The following ADAMTS16 variants were observed in gnomAD, a reference collection of about 807,000 sequenced individuals.
ADAMTS16 encodes the protein ADAM metallopeptidase with thrombospondin type 1 motif 16, also known as A disintegrin and metalloproteinase with thrombospondin motifs 16.
In ADAMTS16, 94 loss-of-function variants were observed where a neutral mutation model predicts 145.8. The ratio of observed to expected loss-of-function variants is 0.64; its 90% CI spans 0.55 to 0.77. The LOEUF (loss-of-function observed/expected upper bound fraction) is 0.77. Ranked by LOEUF, ADAMTS16 falls within the 30% of genes least tolerant of loss-of-function variation. The probability of loss-of-function intolerance (pLI) is 0.00; values close to 1 mark genes in which losing one functional copy is unlikely to be tolerated. For missense variants in ADAMTS16, 1,585 were observed against 1,591.5 expected (o/e 1.00, Z 0.07); for synonymous variants, 659 against 604.3 (o/e 1.09, Z -1.33).
At chr5:5,240,197 G>A (rs775612973) in intron 16 of ADAMTS16, among the ~76,000 whole-genome samples, 1 of 152,154 alleles carries the variant, frequency 6.6e-6, no homozygotes, top group Non-Finnish European at 1.5e-5. Context: ...CTGTAAGCTC[G>A]ATGGCTGTGA....
At chr5:5,207,079 C>T (rs138998281) in intron 9 of ADAMTS16, among the ~76,000 whole-genome samples, 1 of 152,214 alleles carries the variant, frequency 6.6e-6, no homozygotes, top group Non-Finnish European at 1.5e-5. Flanking sequence ...TGTTTATATC[C>T]TCAAAATAAC....
chr5:5,301,271 C>T lies in ADAMTS16; in HGVS notation c.2790-1997C>T, dbSNP rs570369891. Among the ~76,000 whole-genome samples the T allele has an allele frequency of 6.7e-4, 102 of 152,226 alleles. 1 individual carries two copies. The highest frequency in any genetic ancestry group is 3.5e-3 in the South Asian group (17 of 4,824). On this transcript the variant is annotated intron_variant, in intron 18 of 22. Transcript: ENST00000274181. ...GGAGATGGGTTTTTGCCATGTTGCC[C>T]AGGCTGGTCTCAAGCTCCTAGGCTT... is the stretch of plus-strand genomic sequence containing the variant.
chr5:5,151,676 CTTTGTGTGTGTGTGTGTGTG>C (rs1303780178), intron 3 of ADAMTS16, among the ~76,000 whole-genome samples: 1 of 120,254 alleles, frequency 8.3e-6, no homozygotes, highest in Non-Finnish European at 1.7e-5. Flanking sequence ...CCATAGTTCC[CTTTGTGTGTGTGTGTGTGTG>C]TGTGTGTGTG....
At chr5:5,250,624 G>A (rs1007006547) in intron 17 of ADAMTS16, among the ~76,000 whole-genome samples, 2 of 152,166 alleles carry the variant, frequency 1.3e-5, no homozygotes, top group South Asian at 2.1e-4. Flanking sequence ...GTGGTGGAGA[G>A]GGTGCTGTTT....
At chr5:5,219,511 G>C (rs1431107517) in intron 10 of ADAMTS16, among the ~76,000 whole-genome samples, 1 of 152,190 alleles carries the variant, frequency 6.6e-6, no homozygotes, top group African/African-American at 2.4e-5. Context: ...AACTCTTTAA[G>C]ACACTATAGT....
chr5:5,306,553 C>G lies in ADAMTS16; in HGVS notation c.3236C>G (p.Ala1079Gly), dbSNP rs762382143. The G allele has an allele frequency of 1.9e-6, 3 of 1,614,200 alleles. No individual in the cohort carries two copies. The East Asian group carries it at 6.7e-5, about 36-fold the overall frequency. Reference protein sequence around the residue: ...RGTQKRFLKCAEKYVSGKYRE... With the variant: ...RGTQKRFLKCGEKYVSGKYRE... ...ACACAGAAAAGATTCTTAAAATGTG[C>G]TGAAAAGTATGTTTCTGGAAAGTAT... Residue 1079 changes from alanine (A) to glycine (G), a missense_variant, in exon 21 of 23, where the codon GCT (alanine) becomes GGT (glycine). By Grantham distance (60) the Ala-to-Gly change is moderately conservative (BLOSUM62 0). Coordinates refer to ENST00000274181, the MANE Select transcript of ADAMTS16 (RefSeq NM_139056.4).
At chr5:5,266,884 AT>A (rs1738257423) in intron 18 of ADAMTS16, among the ~76,000 whole-genome samples, 1 of 152,146 alleles carries the variant, frequency 6.6e-6, no homozygotes, top group Admixed American at 6.5e-5. Context: ...CCATAATACA[AT>A]TATTGAATTT....
At chr5:5,187,829 T>G in intron 6 of ADAMTS16, 21 bp downstream of exon 6, 1 of 1,445,450 alleles carries the variant, frequency 6.9e-7, no homozygotes, top group African/African-American at 1.4e-5. Flanking sequence ...TTTGAAACTA[T>G]CTACTCTTTT....
chr5:5,296,113 T>A (rs1488347932), intron 18 of ADAMTS16, among the ~76,000 whole-genome samples: 2 of 152,192 alleles, frequency 1.3e-5, no homozygotes, highest in Non-Finnish European at 2.9e-5. Context: ...TAAGGAAGCG[T>A]CTGTGGTCCA....
chr5:5,212,028 T>G (rs769656731), intron 10 of ADAMTS16, among the ~76,000 whole-genome samples: 3 of 152,148 alleles, frequency 2.0e-5, no homozygotes, highest in Admixed American at 6.6e-5. Context: ...TTGGGTAGAA[T>G]ATTCAAGAAA....
chr5:5,204,416 C>A (rs1736037277), intron 9 of ADAMTS16, among the ~76,000 whole-genome samples: 1 of 152,100 alleles, frequency 6.6e-6, no homozygotes, highest in African/African-American at 2.4e-5. Context: ...AATAGTGTAA[C>A]TAACTTCTAT....
Position 5,140,687 on chromosome 5 carries a change from C to A in ADAMTS16, c.96C>A (p.Pro32=). The change falls in exon 2 of 23, where the codon CCC becomes CCA. Residue 32 remains proline, a synonymous_variant. Transcript: ENST00000274181. ...AGGCACCTGCGTGCGCCATGGGACC[C>A]GCAGCGGCAGCGCCTGGGAGCCCGA... The part of the protein sequence containing the change: ...AEQAPACAMG[P]AAAAPGSPSV... 6.4e-7 allele frequency: 1 copy of A among 1,561,194 alleles called. No homozygotes were observed. The highest frequency in any genetic ancestry group is 2.3e-5 in the East Asian group (1 of 42,870).
intron 8 of ADAMTS16, among the ~76,000 whole-genome samples, chr5:5,196,394 C>T (rs990183792): frequency 3.9e-5 from 6 of 152,230 alleles, no homozygotes; most frequent in South Asian, 4.1e-4. Context: ...TGTGCTTTGT[C>T]ACCAGTCTGG....
intron 4 of ADAMTS16, among the ~76,000 whole-genome samples, chr5:5,185,093 G>A (rs112189743): frequency 0.01 from 1,561 of 152,186 alleles, 10 homozygotes; most frequent in Admixed American, 0.021. Flanking sequence ...TCACACCTGC[G>A]GGCATTGCAT....
At chr5:5,239,947 T>C (rs1737236926) in intron 16 of ADAMTS16, 22 bp downstream of exon 16, 1 of 1,610,860 alleles carries the variant, frequency 6.2e-7, no homozygotes, top group African/African-American at 1.3e-5. Flanking sequence ...CCTCTTGATT[T>C]TGGGGCTTGG....
In ADAMTS16 at chr5:5,318,263, C is replaced by A; in HGVS notation, c.3541C>A (p.Pro1181Thr). ...CCTGGCCTGCAACACTCACTTCTGC[C>A]CCATTGCAGAGAAGAAAGGTGAGTA... ...ASLACNTHFC[P>T]IAEKKDAFCK... Residue 1181 changes from proline to threonine, a missense_variant, in exon 22 of 23, where the codon CCC (proline) becomes ACC (threonine). Coordinates refer to ENST00000274181, the MANE Select transcript of ADAMTS16 (RefSeq NM_139056.4). 1 of 1,513,848 alleles carries A rather than the reference C, an allele frequency of 6.6e-7. No individual in the cohort carries two copies. Among genetic ancestry groups the A allele is most frequent in the African/African-American group, 1.4e-5 (1 of 71,892 alleles). The allele number at this position is 1,513,848 out of a possible 1,614,324, so 93.8% of individuals were successfully genotyped here.
intron 3 of ADAMTS16, among the ~76,000 whole-genome samples, chr5:5,177,684 C>G (rs1361400478): frequency 6.6e-6 from 1 of 152,058 alleles, no homozygotes; most frequent in African/African-American, 2.4e-5. Context: ...TTGAAATTAT[C>G]TAGTGTTTCT....
chr5:5,179,621 A>C (rs571606068), intron 3 of ADAMTS16, among the ~76,000 whole-genome samples: 12 of 152,346 alleles, frequency 7.9e-5, no homozygotes, highest in African/African-American at 2.9e-4. Context: ...TAAAAGGTAA[A>C]GTGTTGTTGT....
Position 5,303,436 on chromosome 5 carries a change from C to G in ADAMTS16, c.2958C>G (p.Cys986Trp). Residue 986 changes from cysteine to tryptophan, a missense_variant, in exon 19 of 23, where the codon TGC becomes TGG. Cys to Trp is a radical substitution (Grantham distance 215). This residue lies in a region of ADAMTS16 where 834 missense variants were observed against 811.7 expected (regional missense o/e 1.03). Coordinates refer to ENST00000274181, the MANE Select transcript of ADAMTS16 (RefSeq NM_139056.4). The stretch of plus-strand genomic sequence containing the variant: ...GGCAGGCCTGCAACTCTCAGAGCTG[C>G]CCACCTGCATGGAGCGCCGGGCCCT... ...SSRQACNSQS[C>W]PPAWSAGPWA... 6.2e-7 allele frequency: 1 copy of G among 1,611,368 alleles called. No individual in the cohort carries two copies. Among genetic ancestry groups the G allele is most frequent in the African/African-American group, 1.3e-5 (1 of 75,044 alleles).
Sources: gnomAD v4.1 joint callset for allele counts (sites outside exome capture counted in the v4.1 genomes callset) on GRCh38, gnomAD v4.1.1 for gene constraint, gnomAD v4.1.1 regional missense constraint, MANE v1.5 for transcripts, NCBI Gene and HGNC (gene_info 2026-07-23, HGNC 2026-07-21) for gene names.